ADGRG3: variants seen among roughly 807,000 people sequenced by gnomAD.
ADGRG3 encodes adhesion G protein-coupled receptor G3.
ADGRG3 carries 39 observed loss-of-function variants against 54.3 expected under a neutral mutation model. That is an observed-to-expected ratio of 0.72 (90% CI 0.56 to 0.94). The LOEUF is 0.94. Ranked by LOEUF, ADGRG3 falls within the 40% of genes least tolerant of loss-of-function variation. The probability of loss-of-function intolerance (pLI) is 0.00; values close to 1 mark genes in which losing one functional copy is unlikely to be tolerated. For synonymous variants in ADGRG3, 312 were observed against 290.0 expected (o/e 1.08, Z -0.77); for missense variants, 654 against 694.6 (o/e 0.94, Z 0.66).
chr16:57,686,410 G>A (rs2048474471), intron 11 of ADGRG3, among the ~76,000 whole-genome samples: 1 of 152,126 alleles, frequency 6.6e-6, no homozygotes, highest in Non-Finnish European at 1.5e-5. Context: ...CCATGCATGA[G>A]GATCCGCTCC....
Position 57,672,791 on chromosome 16 carries a change from G to C in ADGRG3, c.59-530G>C, listed in dbSNP as rs533103107. On this transcript the variant is annotated intron_variant, in intron 1 of 11. Transcript: ENST00000333493. ...TTGCTGTATTTTCTACCTGTCCCAG[G>C]AGGTAGCTGTGATGGTTGTGTGTGC... Among the ~76,000 whole-genome samples, 15 of 152,328 alleles carry C rather than the reference G, an allele frequency of 9.8e-5. No individual in the cohort carries two copies. In the East Asian group the frequency reaches 2.9e-3, roughly 29 times the overall value.
rs747609350 is a variant in ADGRG3 at position 57,678,194 on chromosome 16, G to A, written c.370G>A (p.Glu124Lys). 19 of 1,614,074 alleles carry A rather than the reference G, an allele frequency of 1.2e-5. No homozygotes were observed. Among genetic ancestry groups the A allele is most frequent in the Middle Eastern group, 1.6e-4 (1 of 6,080 alleles). Reference sequence around the variant, plus strand: ...GGTTCCGAGGCAGGTGATGAAGGACGAGGACAAGCCCCCTGACAGAGTGCG... The same window carrying A: ...GGTTCCGAGGCAGGTGATGAAGGACAAGGACAAGCCCCCTGACAGAGTGCG... The part of the protein sequence containing the change: ...SQVPRQVMKD[E>K]DKPPDRVRLP... Residue 124 changes from glutamate (E) to lysine (K), a missense_variant, in exon 4 of 12, where the codon GAG (glutamate) becomes AAG (lysine). Physicochemically the swap from Glu to Lys is moderately conservative, Grantham distance 56. Coordinates refer to ENST00000333493, the MANE Select transcript of ADGRG3 (RefSeq NM_170776.5).
At chr16:57,684,551 G>A (rs2048438869) in intron 10 of ADGRG3, 68 bp downstream of exon 10, 1 of 1,152,142 alleles carries the variant, frequency 8.7e-7, no homozygotes, top group Non-Finnish European at 1.3e-6. Context: ...GCTGGAGAGA[G>A]GTGGGGAGAG....
In ADGRG3 at chr16:57,668,398, G is replaced by C; in HGVS notation, c.51G>C (p.Pro17=). Residue 17 remains proline (P), a synonymous_variant, in exon 1 of 12, where the codon CCG becomes CCC. Coordinates refer to ENST00000333493, the MANE Select transcript of ADGRG3 (RefSeq NM_170776.5). Reference sequence around the variant, plus strand: ...CCCTGCTCCTGCTCCTCCTGCTCCCGACCTCAGGTGAGTGGCTGGCACCTC... The same window carrying C: ...CCCTGCTCCTGCTCCTCCTGCTCCCCACCTCAGGTGAGTGGCTGGCACCTC... ...LGALLLLLLL[P]TSGQEKPTEG... is the part of the protein sequence containing the mutation. 1 of 1,571,554 alleles carries C rather than the reference G, an allele frequency of 6.4e-7. No individual in the cohort carries two copies. The highest frequency in any genetic ancestry group is 1.2e-5 in the South Asian group (1 of 86,398).
upstream of ADGRG3, among the ~76,000 whole-genome samples, chr16:57,667,164 C>T (rs1450255869): frequency 6.6e-6 from 1 of 152,244 alleles, no homozygotes; most frequent in African/African-American, 2.4e-5. Context: ...CCTTCCCAGA[C>T]CCAGAGGGCT....
chr16:57,680,665 G>T (rs773669645), intron 8 of ADGRG3, 48 bp downstream of exon 8: 6 of 1,314,900 alleles, frequency 4.6e-6, no homozygotes, highest in Non-Finnish European at 6.6e-6. Flanking sequence ...GCCCTCAAGG[G>T]AGGCAGCAGG....
At position 57,685,756 on chromosome 16, in the gene ADGRG3, T is replaced by A; in HGVS notation, c.1370T>A (p.Ile457Asn). The A allele has an allele frequency of 1.2e-6, 2 of 1,614,146 alleles. No individual in the cohort carries two copies. The highest frequency in any genetic ancestry group is 4.5e-5 in the East Asian group (2 of 44,876). The part of the protein sequence containing the change: ...MVVLALVVWK[I>N]FTLSRATAVK... ...GTCCTGGCCCTGGTGGTCTGGAAGA[T>A]CTTCACCCTGTCCCGTGCTACAGCG... The change falls in exon 11 of 12, where the codon ATC becomes AAC. Residue 457 changes from isoleucine to asparagine, a missense_variant. Physicochemically the swap from Ile to Asn is moderately radical, Grantham distance 149 (BLOSUM62 -3). Transcript: ENST00000333493.
chr16:57,668,295 G>A (rs1472553581), upstream of ADGRG3: 6 of 1,478,328 alleles, frequency 4.1e-6, no homozygotes, highest in Admixed American at 9.8e-5. Context: ...AGAGCCTGGG[G>A]CCAGAGGGCC....
Position 57,685,652 on chromosome 16 carries a change from C to T in ADGRG3, c.1266C>T (p.Phe422=). Residue 422 remains phenylalanine (F), a synonymous_variant, in exon 11 of 12, where the codon TTC becomes TTT. Transcript: ENST00000333493. The part of the protein sequence containing the change: ...ENRTSLELCW[F]REGTTMYALY... ...CTGCCCCCTCCTCCAGATGCTGGTT[C>T]CGTGAAGGGACAACCATGTACGCCC... 1.9e-6 allele frequency: 3 copies of T among 1,613,802 alleles called. No homozygotes were observed. Among genetic ancestry groups the T allele is most frequent in the Non-Finnish European group, 2.5e-6 (3 of 1,179,706 alleles).
At chr16:57,681,620 G>A (rs2048371271) in intron 8 of ADGRG3, among the ~76,000 whole-genome samples, 3 of 151,620 alleles carry the variant, frequency 2.0e-5, no homozygotes, top group Admixed American at 1.3e-4. Flanking sequence ...CAGCTACTCA[G>A]GAGGTTGAGG....
chr16:57,675,189 A>G (rs1382945523), intron 2 of ADGRG3, among the ~76,000 whole-genome samples: 3 of 151,890 alleles, frequency 2.0e-5, no homozygotes, highest in Non-Finnish European at 4.4e-5. Context: ...GAAATAAAAT[A>G]CAGGGGCCAG....
intron 3 of ADGRG3, among the ~76,000 whole-genome samples, chr16:57,677,174 C>T (rs1213350050): frequency 6.6e-6 from 1 of 152,200 alleles, no homozygotes; most frequent in Non-Finnish European, 1.5e-5. Flanking sequence ...AAGTTGGGGC[C>T]TTCAGCTCCA....
chr16:57,675,651 C>G (rs781350914), intron 2 of ADGRG3, among the ~76,000 whole-genome samples: 5 of 152,128 alleles, frequency 3.3e-5, no homozygotes, highest in Non-Finnish European at 5.9e-5. Context: ...AAATGGAATA[C>G]TGATACATGC....
In ADGRG3 at chr16:57,682,092, C is replaced by T. The variant is rs1339337955; in HGVS notation, c.881+1475C>T. Among the ~76,000 whole-genome samples, 3 of 152,356 alleles carry T rather than the reference C, an allele frequency of 2.0e-5. No individual in the cohort carries two copies. In the East Asian group the frequency reaches 5.8e-4, roughly 29 times the overall value. ...CTAACAAAGAACCCCTGGCCCCTGA[C>T]TTATGAGAGTGGGGACGGGCGTTCC... On this transcript the variant is annotated intron_variant, in intron 8 of 11. Coordinates refer to ENST00000333493, the MANE Select transcript of ADGRG3 (RefSeq NM_170776.5).
Position 57,668,388 on chromosome 16 carries a change from TC to T in ADGRG3, c.43del (p.Leu15CysfsTer30). 6.3e-7 allele frequency: 1 copy of T among 1,575,084 alleles called. No individual in the cohort carries two copies. On this transcript the variant is annotated frameshift_variant, in exon 1 of 12. Transcript: ENST00000333493. LOFTEE classifies it high-confidence loss of function. Reference sequence around the variant, plus strand: ...GGCCTGGGGGCCCTGCTCCTGCTCCTCCTGCTCCCGACCTCAGGTGAGTGGC... The same window carrying T: ...GGCCTGGGGGCCCTGCTCCTGCTCCTCTGCTCCCGACCTCAGGTGAGTGGC... ...PRGLGALLLL[L>X]LLPTSGQEKP... is the part of the protein sequence containing the mutation.
At chr16:57,674,618 G>A (rs1189614512) in intron 2 of ADGRG3, 1 of 455,054 alleles carries the variant, frequency 2.2e-6, no homozygotes, top group Admixed American at 2.4e-5. Flanking sequence ...GCACCCCAGA[G>A]CTGTTCAGAG....
intron 1 of ADGRG3, among the ~76,000 whole-genome samples, chr16:57,668,793 A>G (rs7201400): frequency 0.78 from 119,330 of 152,074 alleles, 47,305 homozygotes; most frequent in East Asian, 0.98. Flanking sequence ...GACGGGATTC[A>G]GACACTCTGG....
At chr16:57,682,109 G>A (rs1458549548) in intron 8 of ADGRG3, among the ~76,000 whole-genome samples, 4 of 152,214 alleles carry the variant, frequency 2.6e-5, no homozygotes, top group African/African-American at 4.8e-5. Context: ...GAGTGGGGAC[G>A]GGCGTTCCTT....
intron 10 of ADGRG3, 151 bp from the exon 11 acceptor site, chr16:57,685,492 G>C: frequency 1.4e-6 from 1 of 699,992 alleles, no homozygotes; most frequent in South Asian, 1.8e-5. Flanking sequence ...GGAGCCAGGT[G>C]ACGGCCCCTC....
Sources: gnomAD v4.1 joint callset for allele counts (sites outside exome capture counted in the v4.1 genomes callset) on GRCh38, gnomAD v4.1.1 for gene constraint, MANE v1.5 for transcripts, NCBI Gene and HGNC (gene_info 2026-07-23, HGNC 2026-07-21) for gene names.